Variants in LRIF1 observed in about 807,000 individuals in gnomAD.
LRIF1 encodes the protein ligand-dependent nuclear receptor-interacting factor 1.
In LRIF1, 32 loss-of-function variants were observed where a neutral mutation model predicts 52.7. That is an observed-to-expected ratio of 0.61 (90% CI 0.46 to 0.82). The LOEUF is 0.82. LRIF1 is among the 40% of genes least tolerant of loss of function. The pLI, the probability that LRIF1 is intolerant of heterozygous loss-of-function variation, is 0.00. For missense variants in LRIF1, 887 were observed against 892.0 expected, an observed-to-expected ratio of 0.99 and a Z score of 0.07; for synonymous variants, 323 against 317.4, an observed-to-expected ratio of 1.02 and a Z score of -0.19.
At chr1:110,892,172 T>G in the LRIF1 span, among the ~76,000 whole-genome samples, 1 of 152,210 alleles carries the variant, frequency 6.6e-6, no homozygotes, top group Non-Finnish European at 1.5e-5. Context: ...ATGAGAAAGC[T>G]GAGATTGCCT....
the LRIF1 span, among the ~76,000 whole-genome samples, chr1:110,894,124 A>G: frequency 6.6e-6 from 1 of 152,252 alleles, no homozygotes; most frequent in African/African-American, 2.4e-5. Context: ...AGAGCAAAGA[A>G]GACAGTTGAT....
the LRIF1 span, among the ~76,000 whole-genome samples, chr1:110,920,731 C>T: frequency 1.3e-5 from 2 of 152,148 alleles, no homozygotes; most frequent in Admixed American, 6.5e-5. Flanking sequence ...GTAACAAATA[C>T]ACCACTATGA....
the LRIF1 span, among the ~76,000 whole-genome samples, chr1:110,922,061 G>A: frequency 6.6e-6 from 1 of 152,088 alleles, no homozygotes; most frequent in South Asian, 2.1e-4. Flanking sequence ...ACTTATAAGT[G>A]AGAACATGTG....
At chr1:110,930,916 G>C in the LRIF1 span, among the ~76,000 whole-genome samples, 13 of 152,168 alleles carry the variant, frequency 8.5e-5, no homozygotes, top group East Asian at 1.9e-4. Flanking sequence ...GTTTCTTTCT[G>C]ATAATGGACT....
chr1:110,895,423 TTGTTACCTAGCCCA>T, the LRIF1 span, among the ~76,000 whole-genome samples: 1 of 152,246 alleles, frequency 6.6e-6, no homozygotes, highest in African/African-American at 2.4e-5. Context: ...CAAATCAGGC[TTGTTACCTAGCCCA>T]CCAACATCCC....
chr1:110,951,882 C>T lies in LRIF1; in HGVS notation c.1002G>A (p.Met334Ile). ...RKNLGDNTIN[M>I]PPLSTIDPSG... ...TAGGATCGATGGTACTCAATGGTGG[C>T]ATATTTATAGTATTATCTCCCAAAT... Residue 334 changes from methionine (M) to isoleucine (I), a missense_variant, in exon 2 of 4, where the codon ATG (methionine) becomes ATA (isoleucine). Transcript: ENST00000369763. The T allele has an allele frequency of 1.2e-6, 2 of 1,613,836 alleles. No homozygotes were observed. Among genetic ancestry groups the T allele is most frequent in the Non-Finnish European group, 1.7e-6 (2 of 1,179,950 alleles).
the LRIF1 span, among the ~76,000 whole-genome samples, chr1:110,880,623 A>T: frequency 1.3e-5 from 2 of 152,188 alleles, no homozygotes; most frequent in Non-Finnish European, 2.9e-5. Context: ...TGTCCAAAAC[A>T]TCAGTTTATT....
chr1:110,951,688 A>C lies in LRIF1; in HGVS notation c.1196T>G (p.Val399Gly). The C allele has an allele frequency of 6.2e-7, 1 of 1,614,058 alleles. No homozygotes were observed. Among genetic ancestry groups the C allele is most frequent in the South Asian group, 1.1e-5 (1 of 91,082 alleles). ...TATTTCTGTGACTGGACTTGAACTC[A>C]CTGTCTGTAACGTGTCTTTTCTTAC... ...TPVRKDTLQTVSSSPVTEISR... is the reference protein window; with the variant it reads ...TPVRKDTLQTGSSSPVTEISR... The change falls in exon 2 of 4, where the codon GTG becomes GGG. Residue 399 changes from valine to glycine, a missense_variant. Coordinates refer to ENST00000369763, the MANE Select transcript of LRIF1 (RefSeq NM_018372.4).
the LRIF1 span, chr1:110,896,526 A>C: frequency 2.5e-6 from 2 of 808,406 alleles, no homozygotes; most frequent in Non-Finnish European, 2.1e-6. Flanking sequence ...AGCCCATAGC[A>C]ATCAGACCAA....
the LRIF1 span, among the ~76,000 whole-genome samples, chr1:110,902,495 T>TAAAAAAAGA: frequency 4.1e-5 from 3 of 72,660 alleles, no homozygotes; most frequent in African/African-American, 2.1e-4. Context: ...AATCAATCAC[T>TAAAAAAAGA]AAAAAAAAAA....
At chr1:110,925,601 A>G in the LRIF1 span, among the ~76,000 whole-genome samples, 1 of 152,232 alleles carries the variant, frequency 6.6e-6, no homozygotes, top group African/African-American at 2.4e-5. Context: ...ATAATAATTT[A>G]GTATCATACT....
the LRIF1 span, among the ~76,000 whole-genome samples, chr1:110,923,231 C>T: frequency 2.8e-4 from 42 of 152,080 alleles, no homozygotes; most frequent in Non-Finnish European, 5.1e-4. Flanking sequence ...ACCCGGGAGG[C>T]GGAGGTTGCA....
At chr1:110,877,025 T>G in the LRIF1 span, among the ~76,000 whole-genome samples, 1 of 152,200 alleles carries the variant, frequency 6.6e-6, no homozygotes, top group African/African-American at 2.4e-5. Context: ...AAATTAACAC[T>G]TATGCAATAT....
chr1:110,946,071 T>G (rs1351000933), downstream of LRIF1, among the ~76,000 whole-genome samples: 1 of 152,208 alleles, frequency 6.6e-6, no homozygotes, highest in Non-Finnish European at 1.5e-5. Flanking sequence ...ACATTACTTG[T>G]AGCTGCCAAA....
the LRIF1 span, among the ~76,000 whole-genome samples, chr1:110,913,688 T>C: frequency 2.0e-5 from 3 of 152,216 alleles, no homozygotes; most frequent in South Asian, 4.1e-4. Flanking sequence ...TAGACACTGC[T>C]GGTGAGAATG....
the LRIF1 span, among the ~76,000 whole-genome samples, chr1:110,893,672 G>C: frequency 1.3e-5 from 2 of 152,230 alleles, no homozygotes; most frequent in African/African-American, 2.4e-5. Flanking sequence ...TTTTTAAAAA[G>C]TCCCTCTTCT....
the LRIF1 span, among the ~76,000 whole-genome samples, chr1:110,932,839 C>A: frequency 1.3e-5 from 2 of 152,166 alleles, no homozygotes; most frequent in African/African-American, 2.4e-5. Flanking sequence ...TGATGAATCT[C>A]TATTTTCTCT....
the LRIF1 span, among the ~76,000 whole-genome samples, chr1:110,922,204 G>C: frequency 6.6e-6 from 1 of 152,200 alleles, no homozygotes; most frequent in East Asian, 1.9e-4. Context: ...TATATGTAGA[G>C]AGGTAGTACC....
At chr1:110,963,113 CTT>C (rs1000757338) in intron 1 of LRIF1, among the ~76,000 whole-genome samples, 1 of 152,230 alleles carries the variant, frequency 6.6e-6, no homozygotes, top group African/African-American at 2.4e-5. Context: ...ACTTCTCTCT[CTT>C]CACATAAAAC....
Sources: allele counts gnomAD v4.1 joint callset (sites outside exome capture counted in the v4.1 genomes callset), GRCh38; gene constraint gnomAD v4.1.1; transcripts MANE v1.5; gene names NCBI Gene and HGNC (gene_info 2026-07-23, HGNC 2026-07-21).